Variants in ASCC3 observed in about 807,000 individuals in gnomAD.
ASCC3 encodes the protein ASC-1 complex subunit P200.
ASCC3 carries 158 observed loss-of-function variants against 256.3 expected under a neutral mutation model. That is an observed-to-expected ratio of 0.62 (90% CI 0.54 to 0.70). The LOEUF is 0.70. Among genes scored for constraint, ASCC3 ranks in the 30% least tolerant of loss-of-function variants. The probability of loss-of-function intolerance (pLI) is 0.00; values close to 1 mark genes in which losing one functional copy is unlikely to be tolerated. For missense variants in ASCC3, 2,259 were observed against 2,626.0 expected (o/e 0.86, Z 3.05); for synonymous variants, 948 against 883.4 (o/e 1.07, Z -1.30).
intron 8 of ASCC3, among the ~76,000 whole-genome samples, chr6:100,774,764 A>C (rs1056799707): frequency 6.6e-6 from 1 of 152,072 alleles, no homozygotes; most frequent in Non-Finnish European, 1.5e-5. Flanking sequence ...TCAGCTTCCC[A>C]AAGCACTGAG....
At chr6:100,547,934 T>C (rs1769068118) in intron 36 of ASCC3, among the ~76,000 whole-genome samples, 1 of 151,784 alleles carries the variant, frequency 6.6e-6, no homozygotes, top group South Asian at 2.1e-4. Flanking sequence ...AACAACTGTG[T>C]CACATCCACA....
chr6:100,568,774 A>C (rs1451307683), intron 36 of ASCC3, among the ~76,000 whole-genome samples: 1 of 140,084 alleles, frequency 7.1e-6, no homozygotes, highest in Non-Finnish European at 1.5e-5. Context: ...TATTATTATT[A>C]TTATTATTAT....
intron 36 of ASCC3, among the ~76,000 whole-genome samples, chr6:100,584,950 C>G (rs1298094602): frequency 1.3e-5 from 2 of 152,222 alleles, no homozygotes; most frequent in Admixed American, 1.3e-4. Flanking sequence ...GAGAGATCCG[C>G]TGTTAGTCTG....
chr6:100,558,433 T>C (rs1311182054), intron 36 of ASCC3, among the ~76,000 whole-genome samples: 2 of 152,172 alleles, frequency 1.3e-5, no homozygotes, highest in Admixed American at 6.6e-5. Context: ...ATTCAATAAG[T>C]GATTTGTTCT....
chr6:100,604,332 T>A (rs1380506263), intron 33 of ASCC3, among the ~76,000 whole-genome samples: 11 of 152,088 alleles, frequency 7.2e-5, no homozygotes, highest in Admixed American at 5.9e-4. Context: ...TGTTGTTGAT[T>A]TTTCTCTAGT....
intron 20 of ASCC3, 56 bp from the exon 21 acceptor site, chr6:100,647,507 C>T: frequency 6.9e-7 from 1 of 1,455,804 alleles, no homozygotes; most frequent in East Asian, 2.3e-5. Flanking sequence ...TTAAATTTGT[C>T]AATAAATCTA....
chr6:100,598,847 C>T (rs576526168), intron 34 of ASCC3, among the ~76,000 whole-genome samples: 1 of 152,224 alleles, frequency 6.6e-6, no homozygotes, highest in Admixed American at 6.5e-5. Context: ...CTGATCAATA[C>T]TATCTGACAG....
In ASCC3 at chr6:100,589,975, T is replaced by A; in HGVS notation, c.5388A>T (p.Glu1796Asp). The change falls in exon 35 of 42, where the codon GAA (glutamate) becomes GAT (aspartate). Residue 1796 changes from glutamate (E) to aspartate (D), a missense_variant. Physicochemically the swap from Glu to Asp is conservative, Grantham distance 45 (BLOSUM62 2). Transcript: ENST00000369162. ...HLIEKSLIEL[E>D]LSYCIEIGED... ...CTCCAATTTCAATACAGTAGGAAAGTTCCAATTCAATCAGGGACTTCTCAA... is the reference window on the plus strand; with the variant it reads ...CTCCAATTTCAATACAGTAGGAAAGATCCAATTCAATCAGGGACTTCTCAA... 1 of 1,613,334 alleles carries A rather than the reference T, an allele frequency of 6.2e-7. No homozygotes were observed. The highest frequency in any genetic ancestry group is 8.5e-7 in the Non-Finnish European group (1 of 1,179,476).
At chr6:100,840,130 G>T (rs1463454642) in intron 4 of ASCC3, among the ~76,000 whole-genome samples, 3 of 152,104 alleles carry the variant, frequency 2.0e-5, no homozygotes, top group Non-Finnish European at 4.4e-5. Flanking sequence ...AAACTTGGGA[G>T]AAAATGGGCA....
At chr6:100,679,093 AG>A (rs1489809704) in intron 14 of ASCC3, among the ~76,000 whole-genome samples, 5 of 152,210 alleles carry the variant, frequency 3.3e-5, no homozygotes, top group South Asian at 2.1e-4. Flanking sequence ...TGGGGCCTAA[AG>A]GTCTCCCTTT....
chr6:100,648,364 G>A (rs933704192), intron 20 of ASCC3, among the ~76,000 whole-genome samples: 4 of 151,942 alleles, frequency 2.6e-5, no homozygotes, highest in Admixed American at 2.6e-4. Flanking sequence ...AGTAACATCT[G>A]TATTTGAAAA....
intron 13 of ASCC3, among the ~76,000 whole-genome samples, chr6:100,709,009 G>GAAA (rs71919249): frequency 7.6e-6 from 1 of 131,226 alleles, no homozygotes; most frequent in African/African-American, 2.8e-5. Flanking sequence ...CCTTAAGACC[G>GAAA]AAAAAAAAAA....
intron 14 of ASCC3, among the ~76,000 whole-genome samples, chr6:100,679,209 C>CT (rs1289305654): frequency 2.2e-5 from 3 of 136,544 alleles, no homozygotes; most frequent in Non-Finnish European, 4.6e-5. Flanking sequence ...CTTTACATTG[C>CT]TTAAAAAAAA....
chr6:100,745,611 C>T (rs1222684431), intron 10 of ASCC3, among the ~76,000 whole-genome samples: 3 of 152,110 alleles, frequency 2.0e-5, no homozygotes, highest in East Asian at 1.9e-4. Flanking sequence ...CATATGTTTG[C>T]ACTGTTGGAA....
chr6:100,509,852 C>T lies in ASCC3; in HGVS notation c.6461+80G>A, dbSNP rs540478999. On this transcript the variant is annotated intron_variant, in intron 41 of 41. Transcript: ENST00000369162. Reference sequence around the variant, plus strand: ...GCAGTGAGCAGAGATCGCGCCACTGCACTCCAGCCTGGGCGACAGAGCGAG... The same window carrying T: ...GCAGTGAGCAGAGATCGCGCCACTGTACTCCAGCCTGGGCGACAGAGCGAG... 9.6e-5 allele frequency: 134 copies of T among 1,400,666 alleles called. No homozygotes were observed. In the East Asian group the frequency reaches 2.2e-3, roughly 23 times the overall value. 86.8% of individuals were successfully genotyped at this position (1,400,666 alleles called of 1,614,324 possible). A position where few individuals can be genotyped will look rare whatever the true frequency, so the allele number is the denominator to read the frequency against.
At chr6:100,769,404 T>C (rs1238501117) in intron 8 of ASCC3, among the ~76,000 whole-genome samples, 2 of 151,944 alleles carry the variant, frequency 1.3e-5, no homozygotes, top group Non-Finnish European at 2.9e-5. Context: ...ATACTTAAAG[T>C]GACAGATATG....
chr6:100,600,287 A>C (rs1448800806), intron 34 of ASCC3, among the ~76,000 whole-genome samples: 2 of 152,046 alleles, frequency 1.3e-5, no homozygotes, highest in African/African-American at 4.8e-5. Context: ...ATCTGGCTTT[A>C]TCAAGAAATA....
intron 30 of ASCC3, among the ~76,000 whole-genome samples, chr6:100,622,614 TTAAAA>T (rs1448941273): frequency 1.3e-5 from 2 of 151,808 alleles, no homozygotes; most frequent in African/African-American, 2.4e-5. Flanking sequence ...ACCCCAGAAC[TTAAAA>T]TAAAAGTTGA....
rs540325698 is a variant in ASCC3 at position 100,589,732 on chromosome 6, T to C, written c.5452A>G (p.Ile1818Val). Residue 1818 changes from isoleucine to valine, a missense_variant, in exon 36 of 42, where the codon ATT becomes GTT. Physicochemically the swap from Ile to Val is conservative, Grantham distance 29 (BLOSUM62 3). Transcript: ENST00000369162. Reference protein sequence around the residue: ...RSIEPLTYGRIASYYYLKHQT... With the variant: ...RSIEPLTYGRVASYYYLKHQT... ...TGCTTCAAATAGTAATAGGAGGCAA[T>C]TCGGCCATAAGTTAGAGGTTCAATG... 1.9e-5 allele frequency: 30 copies of C among 1,613,778 alleles called. 2 individuals carry two copies. The South Asian group carries it at 3.0e-4, about 16-fold the overall frequency.
Sources: gnomAD v4.1 joint callset for allele counts (sites outside exome capture counted in the v4.1 genomes callset) on GRCh38, gnomAD v4.1.1 for gene constraint, MANE v1.5 for transcripts, NCBI Gene and HGNC (gene_info 2026-07-23, HGNC 2026-07-21) for gene names.